Variants in SGCD observed in about 807,000 individuals in gnomAD.
The protein encoded by SGCD is delta-sarcoglycan.
Under a neutral mutation model 36.6 loss-of-function variants are expected in SGCD, and 18 were observed. The observed-to-expected ratio is 0.49, with a 90% CI of 0.34 to 0.73. SGCD has a LOEUF of 0.73. Ranked by LOEUF, SGCD falls within the 30% of genes least tolerant of loss-of-function variation. SGCD has a pLI of 0.01. For missense variants in SGCD, 387 were observed against 346.7 expected (o/e 1.12, Z -0.92); for synonymous variants, 133 against 130.6 (o/e 1.02, Z -0.12).
At chr5:156,087,516 T>A (rs1761128856) in intron 1 of SGCD, among the ~76,000 whole-genome samples, 2 of 151,914 alleles carry the variant, frequency 1.3e-5, no homozygotes, top group South Asian at 4.1e-4. Context: ...GGCATGTGCC[T>A]GTAGTTCCAG....
the SGCD span, among the ~76,000 whole-genome samples, chr5:155,752,515 A>G: frequency 6.6e-6 from 1 of 152,088 alleles, no homozygotes; most frequent in Non-Finnish European, 1.5e-5. Context: ...GTTGGTTGAT[A>G]CCTACTCTTT....
At chr5:155,847,711 A>G in the SGCD span, among the ~76,000 whole-genome samples, 1 of 152,184 alleles carries the variant, frequency 6.6e-6, no homozygotes. Context: ...AAGGCGAAAG[A>G]GAGATAGAGA....
At chr5:156,508,846 C>A (rs1203308458) in intron 4 of SGCD, 144 bp downstream of exon 4, 6 of 542,774 alleles carry the variant, frequency 1.1e-5, no homozygotes, top group Non-Finnish European at 2.0e-5. Flanking sequence ...TCTTCTGAAT[C>A]TTTGAGTATC....
intron 3 of SGCD, among the ~76,000 whole-genome samples, chr5:156,193,257 G>A (rs182625824): frequency 5.3e-5 from 8 of 152,124 alleles, no homozygotes; most frequent in East Asian, 1.9e-4. Flanking sequence ...CTGTTGTTCC[G>A]ACCCTGCTTA....
chr5:155,989,527 T>C (rs531217277), intron 1 of SGCD, among the ~76,000 whole-genome samples: 1 of 152,206 alleles, frequency 6.6e-6, no homozygotes. Flanking sequence ...TGTTATTCGC[T>C]CTCTCACCTC....
chr5:155,962,889 C>T (rs1757820643), intron 1 of SGCD, among the ~76,000 whole-genome samples: 3 of 152,140 alleles, frequency 2.0e-5, no homozygotes, highest in African/African-American at 7.2e-5. Context: ...GTCGCCTTAG[C>T]AATCTATGCC....
At chr5:156,433,627 G>T (rs1489326622) in intron 3 of SGCD, among the ~76,000 whole-genome samples, 1 of 152,142 alleles carries the variant, frequency 6.6e-6, no homozygotes, top group Non-Finnish European at 1.5e-5. Flanking sequence ...AAATCATTTT[G>T]AACAGCTAAA....
intron 4 of SGCD, among the ~76,000 whole-genome samples, chr5:156,569,291 C>T (rs1300304172): frequency 6.7e-6 from 1 of 149,942 alleles, no homozygotes; most frequent in African/African-American, 2.4e-5. Flanking sequence ...AGGAGACAGA[C>T]AAAAAAAAAT....
At chr5:155,923,493 G>T (rs938883017) in intron 1 of SGCD, among the ~76,000 whole-genome samples, 2 of 152,096 alleles carry the variant, frequency 1.3e-5, no homozygotes, top group African/African-American at 2.4e-5. Context: ...AAAGATGAAC[G>T]TTCATAGTTA....
chr5:156,587,589 T>G (rs1760545345), intron 4 of SGCD, among the ~76,000 whole-genome samples: 1 of 152,228 alleles, frequency 6.6e-6, no homozygotes, highest in Non-Finnish European at 1.5e-5. Flanking sequence ...TTCTGCCATG[T>G]GCAGGTGACT....
chr5:156,449,743 T>C (rs1316721984), intron 3 of SGCD, among the ~76,000 whole-genome samples: 1 of 143,406 alleles, frequency 7.0e-6, no homozygotes, highest in Non-Finnish European at 1.5e-5. Context: ...TCCTAGCTGC[T>C]CTGGAGGCTG....
chr5:156,522,069 A>G (rs1461790284), intron 4 of SGCD, among the ~76,000 whole-genome samples: 1 of 152,136 alleles, frequency 6.6e-6, no homozygotes, highest in Non-Finnish European at 1.5e-5. Context: ...GCTGGAAACC[A>G]TCATTCTCAG....
At chr5:156,155,115 T>C (rs1455698732) in intron 3 of SGCD, among the ~76,000 whole-genome samples, 1 of 151,748 alleles carries the variant, frequency 6.6e-6, no homozygotes, top group Non-Finnish European at 1.5e-5. Flanking sequence ...CCTGCTGCTC[T>C]CTGGGACCAG....
intron 7 of SGCD, among the ~76,000 whole-genome samples, chr5:156,741,794 T>A (rs962389872): frequency 6.6e-6 from 1 of 152,152 alleles, no homozygotes; most frequent in African/African-American, 2.4e-5. Flanking sequence ...AGTTCCTCAA[T>A]TGCACCTTCC....
intron 1 of SGCD, among the ~76,000 whole-genome samples, chr5:155,946,628 G>A (rs921042387): frequency 6.6e-6 from 1 of 152,106 alleles, no homozygotes; most frequent in Non-Finnish European, 1.5e-5. Context: ...ATCAAAGTAA[G>A]TTTTCATGCC....
At chr5:155,943,728 G>A (rs954890989) in intron 1 of SGCD, among the ~76,000 whole-genome samples, 1 of 152,008 alleles carries the variant, frequency 6.6e-6, no homozygotes, top group Non-Finnish European at 1.5e-5. Flanking sequence ...GGAAGTGGAA[G>A]CAAATTATAG....
intron 7 of SGCD, among the ~76,000 whole-genome samples, chr5:156,659,855 A>C (rs2113624475): frequency 7.0e-6 from 1 of 141,896 alleles, no homozygotes; most frequent in East Asian, 2.0e-4. Context: ...AGTCGCTATC[A>C]ACAGCTGGAC....
chr5:156,588,261 G>T (rs1760576867), intron 4 of SGCD, among the ~76,000 whole-genome samples: 1 of 151,950 alleles, frequency 6.6e-6, no homozygotes, highest in African/African-American at 2.4e-5. Flanking sequence ...ATGTTTTTAA[G>T]TGGTGGGAGG....
At position 156,669,305 on chromosome 5, in the gene SGCD, C is replaced by T. The variant is rs75498266; in HGVS notation, c.575+21769C>T. Among the ~76,000 whole-genome samples, 158 of 152,194 alleles carry T rather than the reference C, an allele frequency of 1.0e-3. No individual in the cohort carries two copies. In the East Asian group the frequency reaches 0.011, roughly 11 times the overall value. ...AGCCAGACACTAGATGCTGATTAAACGTACATTTCCTGGAATCTGAATTTT... is the reference window on the plus strand; with the variant it reads ...AGCCAGACACTAGATGCTGATTAAATGTACATTTCCTGGAATCTGAATTTT... On this transcript the variant is annotated intron_variant, in intron 7 of 8. Coordinates refer to ENST00000337851, the MANE Select transcript of SGCD (RefSeq NM_000337.6).
Sources: gnomAD v4.1 joint callset for allele counts (sites outside exome capture counted in the v4.1 genomes callset) on GRCh38, gnomAD v4.1.1 for gene constraint, MANE v1.5 for transcripts, NCBI Gene and HGNC (gene_info 2026-07-23, HGNC 2026-07-21) for gene names.